The following DTD1 variants were observed in gnomAD, a reference collection of about 807,000 sequenced individuals.
The protein encoded by DTD1 is D-tyrosyl-tRNA deacylase 1 homolog.
Under a neutral mutation model 25.6 loss-of-function variants are expected in DTD1, and 13 were observed. That is an observed-to-expected ratio of 0.51 (90% CI 0.33 to 0.81). DTD1 has a LOEUF of 0.81. DTD1 is among the 30% of genes least tolerant of loss of function. The pLI is 0.02. For missense variants in DTD1, 193 were observed against 266.4 expected (o/e 0.72, Z 1.92); for synonymous variants, 110 against 103.6 (o/e 1.06, Z -0.37).
intron 4 of DTD1, among the ~76,000 whole-genome samples, chr20:18,714,169 ATTATTTTGCCAAGTCAT>A (rs2061170772): frequency 6.6e-6 from 1 of 152,210 alleles, no homozygotes; most frequent in Non-Finnish European, 1.5e-5. Flanking sequence ...CACAGAGCAA[ATTATTTTGCCAAGTCAT>A]TTAACCTCTT....
chr20:18,686,996 T>C (rs1339506534), intron 4 of DTD1, among the ~76,000 whole-genome samples: 1 of 152,174 alleles, frequency 6.6e-6, no homozygotes, highest in Non-Finnish European at 1.5e-5. Flanking sequence ...GAAAGATACA[T>C]ACAGAGCTTA....
At chr20:18,743,958 G>T in intron 4 of DTD1, 142 bp from the exon 5 acceptor site, 1 of 764,126 alleles carries the variant, frequency 1.3e-6, no homozygotes, top group Non-Finnish European at 2.0e-6. Flanking sequence ...TGTATAATTT[G>T]GTATATCTGA....
intron 4 of DTD1, among the ~76,000 whole-genome samples, chr20:18,644,649 C>T (rs2060843962): frequency 2.0e-5 from 3 of 152,140 alleles, no homozygotes; most frequent in African/African-American, 7.2e-5. Context: ...TGCTTGGAAC[C>T]TGTGTAGATT....
At chr20:18,588,147 C>A (rs955947424) in intron 1 of DTD1, 32 bp downstream of exon 1, 77 of 1,241,236 alleles carry the variant, frequency 6.2e-5, no homozygotes, top group Non-Finnish European at 7.4e-5. Flanking sequence ...CCGGGAGGAG[C>A]CGCCCCTGAC....
intron 4 of DTD1, among the ~76,000 whole-genome samples, chr20:18,722,387 G>A (rs952460740): frequency 6.6e-6 from 1 of 152,134 alleles, no homozygotes; most frequent in Non-Finnish European, 1.5e-5. Flanking sequence ...GTGGAGCAAT[G>A]CATATGGAAT....
intron 4 of DTD1, among the ~76,000 whole-genome samples, chr20:18,669,802 C>T (rs2060945232): frequency 6.6e-6 from 1 of 152,170 alleles, no homozygotes; most frequent in African/African-American, 2.4e-5. Context: ...CTGTGTCTTG[C>T]ATACCGTGGC....
intron 5 of DTD1, among the ~76,000 whole-genome samples, chr20:18,758,275 G>C (rs2061347473): frequency 6.6e-6 from 1 of 151,990 alleles, no homozygotes; most frequent in African/African-American, 2.4e-5. Context: ...ATTTCCTTCA[G>C]TTCTGCTCTG....
intron 4 of DTD1, among the ~76,000 whole-genome samples, chr20:18,714,559 C>T (rs371912112): frequency 7.2e-5 from 11 of 152,164 alleles, no homozygotes; most frequent in South Asian, 2.1e-4. Context: ...CTCCTGTGCA[C>T]GTAGGCTTCT....
At chr20:18,613,091 C>G (rs1440379307) in intron 3 of DTD1, among the ~76,000 whole-genome samples, 1 of 152,186 alleles carries the variant, frequency 6.6e-6, no homozygotes, top group Non-Finnish European at 1.5e-5. Context: ...TGCCCTGAGG[C>G]CAGAGTGTCC....
intron 4 of DTD1, among the ~76,000 whole-genome samples, chr20:18,661,498 A>G (rs2060910277): frequency 6.6e-6 from 1 of 151,028 alleles, no homozygotes; most frequent in South Asian, 2.1e-4. Context: ...CAGCCTCCTG[A>G]GTAGCTGGGA....
chr20:18,751,674 T>C (rs948211356), intron 5 of DTD1, among the ~76,000 whole-genome samples: 18 of 152,024 alleles, frequency 1.2e-4, no homozygotes, highest in African/African-American at 4.3e-4. Flanking sequence ...TTGTATTTTT[T>C]GTAGAGATAG....
intron 3 of DTD1, among the ~76,000 whole-genome samples, chr20:18,601,851 C>T (rs1349579417): frequency 1.3e-5 from 2 of 151,752 alleles, no homozygotes; most frequent in African/African-American, 2.4e-5. Flanking sequence ...ACTGGAAACT[C>T]TAAAACGCAG....
chr20:18,632,475 ATT>A lies in DTD1; in HGVS notation c.477+4243_477+4244del, dbSNP rs1269603327. 12 of 985,456 alleles carry A rather than the reference ATT, an allele frequency of 1.2e-5. No homozygotes were observed. In the East Asian group the frequency reaches 6.8e-4, roughly 56 times the overall value. 61.0% of individuals were successfully genotyped at this position (985,456 alleles called of 1,614,324 possible). ...GGCCTCTCTCTGCCTTTTCTTCTGAATTAGAAGGAGTTTCCTCTTGGAGCAAA... is the reference window on the plus strand; with the variant it reads ...GGCCTCTCTCTGCCTTTTCTTCTGAAAGAAGGAGTTTCCTCTTGGAGCAAA... On this transcript the variant is annotated intron_variant, in intron 4 of 5. Coordinates refer to ENST00000377452, the MANE Select transcript of DTD1 (RefSeq NM_080820.6).
intron 3 of DTD1, chr20:18,611,304 C>T (rs1450517136): frequency 6.6e-6 from 1 of 152,184 alleles, no homozygotes; most frequent in Non-Finnish European, 1.5e-5. Flanking sequence ...ATTCATAGAG[C>T]ATGCGTTACA....
At chr20:18,610,246 C>T (rs1489116721) in intron 3 of DTD1, among the ~76,000 whole-genome samples, 1 of 152,088 alleles carries the variant, frequency 6.6e-6, no homozygotes, top group Non-Finnish European at 1.5e-5. Context: ...GTTTGTATTC[C>T]TAAAAACACC....
intron 2 of DTD1, 58 bp downstream of exon 2, chr20:18,593,879 G>A: frequency 7.1e-7 from 1 of 1,400,204 alleles, no homozygotes; most frequent in Non-Finnish European, 1.0e-6. Flanking sequence ...GGTCATGCTG[G>A]GAACTTCCAT....
At chr20:18,708,210 A>ATATATAT in intron 4 of DTD1, among the ~76,000 whole-genome samples, 1 of 20,922 alleles carries the variant, frequency 4.8e-5, no homozygotes, top group East Asian at 1.2e-3. Context: ...TATATATTTT[A>ATATATAT]TATATATAAT....
At chr20:18,738,840 A>G (rs542861762) in intron 4 of DTD1, among the ~76,000 whole-genome samples, 80 of 152,342 alleles carry the variant, frequency 5.3e-4, no homozygotes, top group African/African-American at 1.8e-3. Context: ...TTCAACTACT[A>G]TCAGGTTATT....
rs766109071 is a variant in DTD1 at position 18,703,599 on chromosome 20, A to G, written c.478-40501A>G. 5.3e-5 allele frequency among the ~76,000 whole-genome samples: 8 copies of G among 151,904 alleles called. 1 individual carries two copies. The highest frequency in any genetic ancestry group is 6.8e-3 in the Middle Eastern group (2 of 294). ...TTTTTCCATTTGTTTTTTTAACCCCATGGGGCAATTATTAAACTTGAAATT... is the reference window on the plus strand; with the variant it reads ...TTTTTCCATTTGTTTTTTTAACCCCGTGGGGCAATTATTAAACTTGAAATT... On this transcript the variant is annotated intron_variant, in intron 4 of 5. Coordinates refer to ENST00000377452, the MANE Select transcript of DTD1 (RefSeq NM_080820.6).
Sources: allele counts gnomAD v4.1 joint callset (sites outside exome capture counted in the v4.1 genomes callset), GRCh38; gene constraint gnomAD v4.1.1; transcripts MANE v1.5; gene names NCBI Gene and HGNC (gene_info 2026-07-23, HGNC 2026-07-21).